SLC22A9: variants seen among roughly 807,000 people sequenced by gnomAD.
SLC22A9 encodes the protein organic anion transporter 7.
A neutral mutation model predicts 50.1 loss-of-function variants in SLC22A9; 64 were observed. That is an observed-to-expected ratio of 1.28 (90% confidence interval 1.04 to 1.57). The LOEUF is 1.57. SLC22A9 is among the 40% of genes most tolerant of loss of function. The pLI, the probability that SLC22A9 is intolerant of heterozygous loss-of-function variation, is 0.00. For missense variants in SLC22A9, 757 were observed against 676.1 expected (o/e 1.12, Z -1.33); for synonymous variants, 261 against 242.5 (o/e 1.08, Z -0.71).
At chr11:63,397,403 G>T (rs2014878034) in intron 6 of SLC22A9, among the ~76,000 whole-genome samples, 1 of 152,106 alleles carries the variant, frequency 6.6e-6, no homozygotes, top group African/African-American at 2.4e-5. Context: ...GTTTGCCCAA[G>T]GCCCTAGGGC....
Position 63,375,667 on chromosome 11 carries a change from T to C in SLC22A9, c.853T>C (p.Trp285Arg), listed in dbSNP as rs1271708411. Reference sequence around the variant, plus strand: ...CAGTTGGCTGCTAGAGTCTGCTCGGTGGCTCATTATCAACAATAAACCAGA... The same window carrying C: ...CAGTTGGCTGCTAGAGTCTGCTCGGCGGCTCATTATCAACAATAAACCAGA... Reference protein sequence around the residue: ...TSSWLLESARWLIINNKPEEG... With the variant: ...TSSWLLESARRLIINNKPEEG... The change falls in exon 5 of 10, where the codon TGG becomes CGG. Residue 285 changes from tryptophan to arginine, a missense_variant. Trp to Arg is a moderately radical substitution (Grantham distance 101, BLOSUM62 -3). Transcript: ENST00000279178. 2 of 1,612,568 alleles carry C rather than the reference T, an allele frequency of 1.2e-6. No homozygotes were observed. The highest frequency in any genetic ancestry group is 2.2e-5 in the East Asian group (1 of 44,838).
chr11:63,405,760 T>A (rs1469827885), intron 6 of SLC22A9, among the ~76,000 whole-genome samples: 1 of 152,156 alleles, frequency 6.6e-6, no homozygotes, highest in Non-Finnish European at 1.5e-5. Flanking sequence ...TTTGTGGCCC[T>A]CAGGATAGTG....
chr11:63,385,152 A>G (rs2014643199), intron 6 of SLC22A9, among the ~76,000 whole-genome samples: 1 of 89,996 alleles, frequency 1.1e-5, no homozygotes, highest in Non-Finnish European at 2.2e-5. Flanking sequence ...CTTTAGTTTA[A>G]TTAGATCCTA....
Position 63,369,789 on chromosome 11 carries a change from A to G in SLC22A9, c.-268A>G. ...GACATGAAAAAGTAGAATTTTAAAC[A>G]CATTTCATTGTAAACGACTGGGAGT... On this transcript the variant is annotated 5_prime_UTR_variant, in exon 1 of 10. Coordinates refer to ENST00000279178, the MANE Select transcript of SLC22A9 (RefSeq NM_080866.3). 1 of 391,902 alleles carries G rather than the reference A, an allele frequency of 2.6e-6. No individual in the cohort carries two copies. Among genetic ancestry groups the G allele is most frequent in the Non-Finnish European group, 4.5e-6 (1 of 220,514 alleles). The allele number at this position is 391,902 out of a possible 1,614,324, so 24.3% of individuals were successfully genotyped here.
At chr11:63,370,579 A>T in intron 1 of SLC22A9, 121 bp downstream of exon 1, 5 of 1,138,204 alleles carry the variant, frequency 4.4e-6, no homozygotes, top group South Asian at 2.0e-5. Flanking sequence ...CTTTCAGCAA[A>T]TACTAATTGC....
intron 5 of SLC22A9, among the ~76,000 whole-genome samples, chr11:63,377,281 T>C (rs1332316899): frequency 1.3e-5 from 2 of 151,908 alleles, no homozygotes; most frequent in African/African-American, 2.4e-5. Context: ...TGCTCTCAAA[T>C]TGACCACACA....
Position 63,409,791 on chromosome 11 carries a change from A to G in SLC22A9, c.1602-11A>G. 1.9e-6 allele frequency: 3 copies of G among 1,613,164 alleles called. No homozygotes were observed. Among genetic ancestry groups the G allele is most frequent in the Non-Finnish European group, 2.5e-6 (3 of 1,179,550 alleles). On this transcript the variant is annotated splice_polypyrimidine_tract_variant and intron_variant, in intron 9 of 9. Coordinates refer to ENST00000279178, the MANE Select transcript of SLC22A9 (RefSeq NM_080866.3). ...TGTGATTTTTTGTTGGTTTCTTTGT[A>G]TTTGTTCTAGGAGAAAAGACCCCAG...
At chr11:63,372,407 T>C (rs2014378408) in intron 2 of SLC22A9, among the ~76,000 whole-genome samples, 1 of 152,152 alleles carries the variant, frequency 6.6e-6, no homozygotes, top group Non-Finnish European at 1.5e-5. Flanking sequence ...AGGGAATGAA[T>C]AAAGTACTGT....
chr11:63,399,306 T>C (rs1367586899), intron 6 of SLC22A9, among the ~76,000 whole-genome samples: 3 of 152,118 alleles, frequency 2.0e-5, no homozygotes, highest in Admixed American at 6.6e-5. Flanking sequence ...CTACAAGTAA[T>C]GTACTTCACC....
At chr11:63,391,743 T>C (rs1241874824) in intron 6 of SLC22A9, among the ~76,000 whole-genome samples, 1 of 152,088 alleles carries the variant, frequency 6.6e-6, no homozygotes. Flanking sequence ...TTGAGTCCTG[T>C]TCTTAATCCA....
chr11:63,382,572 G>A (rs1160713494), intron 6 of SLC22A9, among the ~76,000 whole-genome samples: 1 of 152,078 alleles, frequency 6.6e-6, no homozygotes, highest in African/African-American at 2.4e-5. Context: ...TAACGTGTTT[G>A]TTTCCAGTTT....
At chr11:63,376,975 G>T (rs995107153) in intron 5 of SLC22A9, among the ~76,000 whole-genome samples, 5 of 152,044 alleles carry the variant, frequency 3.3e-5, no homozygotes, top group Non-Finnish European at 7.4e-5. Flanking sequence ...TAATGATCCA[G>T]GGTTCAATTC....
intron 5 of SLC22A9, among the ~76,000 whole-genome samples, chr11:63,377,757 C>A (rs2014489383): frequency 1.3e-5 from 2 of 151,600 alleles, no homozygotes; most frequent in African/African-American, 2.4e-5. Context: ...TCAACAAAAC[C>A]AAAGATTGGT....
At chr11:63,380,265 G>C (rs950407901) in intron 5 of SLC22A9, among the ~76,000 whole-genome samples, 1 of 152,284 alleles carries the variant, frequency 6.6e-6, no homozygotes, top group East Asian at 1.9e-4. Flanking sequence ...CAGACACTGT[G>C]GAAAGCAGTG....
At chr11:63,371,905 C>G (rs759317893) in intron 2 of SLC22A9, among the ~76,000 whole-genome samples, 14 of 152,170 alleles carry the variant, frequency 9.2e-5, no homozygotes, top group Non-Finnish European at 1.5e-4. Context: ...CCATGTCTCC[C>G]CTGATGGCGA....
chr11:63,403,024 T>C (rs2120006355), intron 6 of SLC22A9, among the ~76,000 whole-genome samples: 1 of 152,206 alleles, frequency 6.6e-6, no homozygotes, highest in Middle Eastern at 3.4e-3. Flanking sequence ...TACAAAAGAT[T>C]GTTATAAAAA....
intron 5 of SLC22A9, among the ~76,000 whole-genome samples, chr11:63,379,533 C>G (rs755916837): frequency 6.6e-6 from 1 of 152,086 alleles, no homozygotes; most frequent in African/African-American, 2.4e-5. Flanking sequence ...AACTAAAGAG[C>G]TTTTCCACAA....
intron 5 of SLC22A9, among the ~76,000 whole-genome samples, chr11:63,381,912 A>G (rs2014568784): frequency 6.6e-6 from 1 of 152,096 alleles, no homozygotes; most frequent in African/African-American, 2.4e-5. Flanking sequence ...ACCCTTTTCA[A>G]TGCTCTGTAG....
intron 6 of SLC22A9, among the ~76,000 whole-genome samples, chr11:63,401,865 A>G (rs2014957187): frequency 6.6e-6 from 1 of 152,038 alleles, no homozygotes; most frequent in Non-Finnish European, 1.5e-5. Context: ...TAGTGATGTT[A>G]TAAGTTTTTT....
Sources: gnomAD v4.1 joint callset for allele counts (sites outside exome capture counted in the v4.1 genomes callset) on GRCh38, gnomAD v4.1.1 for gene constraint, MANE v1.5 for transcripts, NCBI Gene and HGNC (gene_info 2026-07-23, HGNC 2026-07-21) for gene names.